The following CCDC7 variants were observed in gnomAD, a reference collection of about 807,000 sequenced individuals.
CCDC7 encodes the protein coiled-coil domain containing 7, also known as coiled-coil domain-containing protein 7.
A neutral mutation model predicts 196.9 loss-of-function variants in CCDC7; 183 were observed. The observed-to-expected ratio is 0.93, with a 90% CI of 0.82 to 1.05. CCDC7 has a LOEUF of 1.05. Ranked by LOEUF, CCDC7 falls within the 50% of genes least tolerant of loss-of-function variation. CCDC7 has a pLI of 0.00. For synonymous variants in CCDC7, 525 were observed against 484.6 expected (o/e 1.08, Z -1.10); for missense variants, 1,540 against 1,482.2 (o/e 1.04, Z -0.64).
In CCDC7 at chr10:32,759,753, T is replaced by C. The variant is rs1281194390; in HGVS notation, c.2906-19224T>C. On this transcript the variant is annotated intron_variant, in intron 28 of 41. Coordinates refer to ENST00000639629, the Ensembl canonical transcript of CCDC7. ...GGCAAAATTGACAAATGGGATCTAA[T>C]TAAACTGAAGAGCTTCTGCACAGCA... is the stretch of plus-strand genomic sequence containing the variant. Among the ~76,000 whole-genome samples the C allele has an allele frequency of 2.6e-5, 4 of 152,286 alleles. No homozygotes were observed. In the East Asian group the frequency reaches 5.8e-4, roughly 22 times the overall value.
intron 29 of CCDC7, among the ~76,000 whole-genome samples, chr10:32,801,889 T>C (rs890420587): frequency 1.4e-4 from 22 of 152,098 alleles, no homozygotes; most frequent in Admixed American, 1.4e-3. Flanking sequence ...GCCCAAAAAG[T>C]CTCATCAGAA....
chr10:32,511,433 T>A, intron 9 of CCDC7: 5 of 1,608,814 alleles, frequency 3.1e-6, no homozygotes, highest in Non-Finnish European at 4.3e-6. Flanking sequence ...AGCCTTTTTC[T>A]TGTCTGTTAT....
intron 20 of CCDC7, among the ~76,000 whole-genome samples, chr10:32,660,668 A>T (rs1394036622): frequency 6.6e-6 from 1 of 151,970 alleles, no homozygotes; most frequent in Non-Finnish European, 1.5e-5. Context: ...GTCAAATGGT[A>T]TTTCCAGTTC....
At chr10:32,817,401 G>A (rs1287007780) in intron 31 of CCDC7, among the ~76,000 whole-genome samples, 1 of 152,168 alleles carries the variant, frequency 6.6e-6, no homozygotes, top group Non-Finnish European at 1.5e-5. Flanking sequence ...GAACCAAGTT[G>A]GAAAACACTC....
At chr10:32,557,328 A>G (rs1182455209) in intron 13 of CCDC7, among the ~76,000 whole-genome samples, 3 of 149,858 alleles carry the variant, frequency 2.0e-5, no homozygotes, top group Non-Finnish European at 4.4e-5. Flanking sequence ...TTACGTGAGC[A>G]TGATTTTCTT....
At position 32,639,883 on chromosome 10, in the gene CCDC7, C is replaced by T. The variant is rs140601370; in HGVS notation, c.2014+4725C>T. Among the ~76,000 whole-genome samples the T allele has an allele frequency of 8.7e-4, 132 of 152,264 alleles. 1 individual carries two copies. The highest frequency in any genetic ancestry group is 2.9e-3 in the African/African-American group (120 of 41,556). ...CCGCCTGCCTCGGCCTCCCAAATTG[C>T]TGGGATTACAAGCGTGAGCCACTGC... On this transcript the variant is annotated intron_variant, in intron 20 of 41. Transcript: ENST00000639629.
At chr10:32,470,951 A>T in intron 5 of CCDC7, 113 bp from the exon 7 acceptor site, 1 of 1,042,190 alleles carries the variant, frequency 9.6e-7, no homozygotes, top group Non-Finnish European at 1.3e-6. Context: ...ATAGCTATAG[A>T]TAAGAAAAAT....
At position 32,845,618 on chromosome 10, in the gene CCDC7, G is replaced by GTC; in HGVS notation, c.3513_3514dup (p.His1172LeufsTer18). The GTC allele has an allele frequency of 1.9e-6, 3 of 1,610,374 alleles. No homozygotes were observed. Among genetic ancestry groups the GTC allele is most frequent in the Non-Finnish European group, 2.5e-6 (3 of 1,177,260 alleles). Reference sequence around the variant, plus strand: ...GAGTCAACCACGACACAATTAAAAAGTCACCCAGGTAAGAGAAAACAATTT... The same window carrying GTC: ...GAGTCAACCACGACACAATTAAAAAGTCTCACCCAGGTAAGAGAAAACAATTT... On this transcript the variant is annotated frameshift_variant, in exon 35 of 42. Coordinates refer to ENST00000639629, the Ensembl canonical transcript of CCDC7. LOFTEE classifies it high-confidence loss of function.
chr10:32,568,238 C>T (rs2057132929), intron 15 of CCDC7, among the ~76,000 whole-genome samples: 1 of 152,096 alleles, frequency 6.6e-6, no homozygotes, highest in South Asian at 2.1e-4. Flanking sequence ...ATCTCCTGAC[C>T]TCGTGATCTG....
At chr10:32,545,905 CAAAAAAAAAA>C (rs11326989) in intron 13 of CCDC7, among the ~76,000 whole-genome samples, 6 of 64,168 alleles carry the variant, frequency 9.4e-5, no homozygotes, top group Admixed American at 5.8e-4. Context: ...AACTCCGTCT[CAAAAAAAAAA>C]AAAAAAAAAA....
At chr10:32,645,011 C>T (rs1004552480) in intron 20 of CCDC7, among the ~76,000 whole-genome samples, 1 of 152,058 alleles carries the variant, frequency 6.6e-6, no homozygotes, top group African/African-American at 2.4e-5. Context: ...CAGACTAATA[C>T]AAATCTTATT....
At chr10:32,634,924 G>A (rs758154360) in intron 19 of CCDC7, 133 bp from the exon 21 acceptor site, 3 of 392,230 alleles carry the variant, frequency 7.6e-6, no homozygotes, top group African/African-American at 2.1e-5. Flanking sequence ...TCGCATCCAC[G>A]GTCTATTTTA....
chr10:32,648,205 G>A (rs2068109874), intron 20 of CCDC7, among the ~76,000 whole-genome samples: 1 of 152,124 alleles, frequency 6.6e-6, no homozygotes, highest in South Asian at 2.1e-4. Context: ...TTTTGTACCA[G>A]TACCAAACTG....
At chr10:32,459,796 A>G (rs1262216904) in intron 3 of CCDC7, among the ~76,000 whole-genome samples, 2 of 151,986 alleles carry the variant, frequency 1.3e-5, no homozygotes, top group Non-Finnish European at 2.9e-5. Context: ...TCCTGAAGAA[A>G]ATGAACAAGG....
At chr10:32,848,556 A>G in intron 38 of CCDC7, 40 bp from the exon 40 acceptor site, 1 of 1,355,670 alleles carries the variant, frequency 7.4e-7, no homozygotes, top group Non-Finnish European at 1.1e-6. Context: ...TGAATAGTCA[A>G]GAGTATTCAT....
chr10:32,456,280 A>G (rs1234079813), exon 3 of CCDC7: 7 of 1,570,070 alleles, frequency 4.5e-6, no homozygotes, highest in African/African-American at 1.3e-5. Context: ...CATTCTTGAC[A>G]TATTGTTCGC....
At chr10:32,772,778 G>T (rs1365003603) in intron 28 of CCDC7, among the ~76,000 whole-genome samples, 1 of 152,166 alleles carries the variant, frequency 6.6e-6, no homozygotes, top group Non-Finnish European at 1.5e-5. Flanking sequence ...TGAGATTAGG[G>T]CCTTCCCTGG....
At chr10:32,831,706 G>C (rs899552895) in intron 32 of CCDC7, among the ~76,000 whole-genome samples, 1 of 152,172 alleles carries the variant, frequency 6.6e-6, no homozygotes, top group East Asian at 1.9e-4. Context: ...CCACCTCCAC[G>C]TCTTGCCCCA....
intron 15 of CCDC7, among the ~76,000 whole-genome samples, chr10:32,569,800 C>A (rs12414582): frequency 6.6e-6 from 1 of 151,892 alleles, no homozygotes; most frequent in Non-Finnish European, 1.5e-5. Flanking sequence ...TTTTTTAATA[C>A]TTTTGTATTA....
Sources: gnomAD v4.1 joint callset for allele counts (sites outside exome capture counted in the v4.1 genomes callset) on GRCh38, gnomAD v4.1.1 for gene constraint, MANE v1.5 for transcripts, NCBI Gene and HGNC (gene_info 2026-07-23, HGNC 2026-07-21) for gene names.